PDILT: variants seen among roughly 807,000 people sequenced by gnomAD.
PDILT encodes protein disulfide isomerase like, testis expressed.
A neutral mutation model predicts 53.7 loss-of-function variants in PDILT; 43 were observed. That is an observed-to-expected ratio of 0.80 (90% CI 0.63 to 1.03). The LOEUF (loss-of-function observed/expected upper bound fraction) is 1.03, where lower values mean the gene tolerates loss of function less well. Ranked by LOEUF, PDILT falls within the 50% of genes least tolerant of loss-of-function variation. The pLI is 0.00. For synonymous variants in PDILT, 282 were observed against 274.2 expected (o/e 1.03, Z -0.28); for missense variants, 727 against 712.3 (o/e 1.02, Z -0.24).
At chr16:20,368,595 T>A (rs183455408) in intron 8 of PDILT, among the ~76,000 whole-genome samples, 20 of 114,200 alleles carry the variant, frequency 1.8e-4, no homozygotes, top group South Asian at 5.1e-4. Flanking sequence ...TGTTCCAGAC[T>A]TTTTTTGGGG....
At chr16:20,391,888 AGGAAGGATACTAT>A (rs1966610431) in intron 2 of PDILT, among the ~76,000 whole-genome samples, 1 of 151,770 alleles carries the variant, frequency 6.6e-6, no homozygotes, top group Non-Finnish European at 1.5e-5. Context: ...GAAGGAGTGT[AGGAAGGATACTAT>A]GGAAGCTGCA....
intron 9 of PDILT, among the ~76,000 whole-genome samples, chr16:20,364,158 C>T (rs1966156105): frequency 6.6e-6 from 1 of 152,228 alleles, no homozygotes. Context: ...GGCCCTACTT[C>T]CAAGAAAATG....
chr16:20,398,632 A>G (rs1966691782), intron 2 of PDILT, among the ~76,000 whole-genome samples: 1 of 152,192 alleles, frequency 6.6e-6, no homozygotes, highest in Admixed American at 6.5e-5. Context: ...CCCTGTCTCA[A>G]AACAAACAAA....
chr16:20,383,224 C>T (rs978812416), intron 3 of PDILT, among the ~76,000 whole-genome samples: 2 of 152,188 alleles, frequency 1.3e-5, no homozygotes, highest in African/African-American at 4.8e-5. Flanking sequence ...CAGTTCTCTC[C>T]TGCCCTTCAG....
At chr16:20,380,160 C>T (rs1392227677) in intron 3 of PDILT, among the ~76,000 whole-genome samples, 3 of 152,160 alleles carry the variant, frequency 2.0e-5, no homozygotes, top group Non-Finnish European at 4.4e-5. Flanking sequence ...TTACAGTTAT[C>T]TTCCAGAACA....
chr16:20,385,968 A>T (rs1262702474), intron 2 of PDILT: 3 of 152,006 alleles, frequency 2.0e-5, no homozygotes, highest in Non-Finnish European at 2.9e-5. Flanking sequence ...GGCCAAATTG[A>T]GCCCCTGCAG....
At chr16:20,374,640 C>T (rs1205632321) in intron 5 of PDILT, among the ~76,000 whole-genome samples, 182 bp downstream of exon 5, 5 of 152,070 alleles carry the variant, frequency 3.3e-5, no homozygotes, top group African/African-American at 1.2e-4. Context: ...AGAGAAGGAG[C>T]TTAAGATGGT....
In PDILT at chr16:20,389,234, A is replaced by C. The variant is rs138940555; in HGVS notation, c.203-4383T>G. On this transcript the variant is annotated intron_variant, in intron 2 of 11. Transcript: ENST00000302451. ...GAATTCCTTAGGCTATCTCATCAAA[A>C]AGAGGCAGTTATGGTGGTTTACTTT... Among the ~76,000 whole-genome samples, 203 of 152,060 alleles carry C rather than the reference A, an allele frequency of 1.3e-3. 2 individuals are homozygous for C. The highest frequency in any genetic ancestry group is 0.013 in the East Asian group (65 of 5,172).
At position 20,369,620 on chromosome 16, in the gene PDILT, C is replaced by A; in HGVS notation, c.988G>T (p.Glu330Ter). 3 of 1,614,216 alleles carry A rather than the reference C, an allele frequency of 1.9e-6. No homozygotes were observed. Among genetic ancestry groups the A allele is most frequent in the Non-Finnish European group, 2.5e-6 (3 of 1,180,044 alleles). ...GRVFKYFRVTEVDIPSVQILN... is the reference protein window; with the variant it reads ...GRVFKYFRVT Reference sequence around the variant, plus strand: ...ATTTGGACGGATGGGATATCGACCTCTGTGACCCGGAAGTACTTGAAGACA... The same window carrying A: ...ATTTGGACGGATGGGATATCGACCTATGTGACCCGGAAGTACTTGAAGACA... The change falls in exon 8 of 12, where the codon GAG becomes TAG. Residue 330 changes from glutamate to a stop codon, truncating the protein, a stop_gained. Transcript: ENST00000302451. LOFTEE classifies it high-confidence loss of function.
At chr16:20,361,472 C>T (rs187620954) in intron 10 of PDILT, among the ~76,000 whole-genome samples, 2 of 152,206 alleles carry the variant, frequency 1.3e-5, no homozygotes, top group African/African-American at 2.4e-5. Context: ...CGTTGAGACA[C>T]CACGCCCGAC....
At chr16:20,362,947 C>T (rs1966127625) in intron 9 of PDILT, among the ~76,000 whole-genome samples, 1 of 151,146 alleles carries the variant, frequency 6.6e-6, no homozygotes, top group African/African-American at 2.4e-5. Flanking sequence ...TGGCGTGCAC[C>T]TGTAATCCCA....
chr16:20,376,112 C>T lies in PDILT; in HGVS notation c.499G>A (p.Glu167Lys). The part of the protein sequence containing the change: ...FLFNSSEQVA[E>K]FVISRPLVIV... ...ACCAAGGGCCTGGATATCACAAACT[C>T]TGCCACCTGCTCGCTGCTGTTGAAC... is the stretch of plus-strand genomic sequence containing the variant. Residue 167 changes from glutamate (E) to lysine (K), a missense_variant, in exon 4 of 12, where the codon GAG (glutamate) becomes AAG (lysine). Physicochemically the swap from Glu to Lys is moderately conservative, Grantham distance 56. Coordinates refer to ENST00000302451, the MANE Select transcript of PDILT (RefSeq NM_174924.2). 1 of 1,614,202 alleles carries T rather than the reference C, an allele frequency of 6.2e-7. No homozygotes were observed. Among genetic ancestry groups the T allele is most frequent in the South Asian group, 1.1e-5 (1 of 91,080 alleles).
At chr16:20,380,633 G>A (rs978171463) in intron 3 of PDILT, among the ~76,000 whole-genome samples, 1 of 152,248 alleles carries the variant, frequency 6.6e-6, no homozygotes, top group African/African-American at 2.4e-5. Context: ...ACCGTGCCCA[G>A]CCGAGCTACC....
chr16:20,402,587 C>A (rs6497478), intron 1 of PDILT, among the ~76,000 whole-genome samples: 150,864 of 152,366 alleles, frequency 0.99, 74,739 homozygotes, highest in Middle Eastern at 1. Flanking sequence ...GCATGAGCCA[C>A]TGTGCCTGGC....
At chr16:20,367,762 A>T (rs1184019229) in intron 8 of PDILT, among the ~76,000 whole-genome samples, 1 of 152,190 alleles carries the variant, frequency 6.6e-6, no homozygotes, top group Non-Finnish European at 1.5e-5. Flanking sequence ...CTGAGATTTA[A>T]AAATGAACAC....
intron 2 of PDILT, among the ~76,000 whole-genome samples, chr16:20,393,193 G>A (rs1247419473): frequency 6.6e-6 from 1 of 152,208 alleles, no homozygotes; most frequent in Non-Finnish European, 1.5e-5. Context: ...AGATGCACAA[G>A]TGCTGGCCTG....
rs761308279 is a variant in PDILT, at chr16:20,362,427, G to A, written c.1393C>T (p.Leu465=). ...MYLDRYPFFR[L]FPSGSQQAVL... ...ACTTGTTGAGAGCCGCTGGGGAACAGCCTGAAGAATGGGTACCGGTCCAGG... is the reference window on the plus strand; with the variant it reads ...ACTTGTTGAGAGCCGCTGGGGAACAACCTGAAGAATGGGTACCGGTCCAGG... Residue 465 remains leucine, a synonymous_variant, in exon 10 of 12, where the codon CTG becomes TTG. Coordinates refer to ENST00000302451, the MANE Select transcript of PDILT (RefSeq NM_174924.2). The A allele has an allele frequency of 8.7e-6, 14 of 1,614,224 alleles. No individual in the cohort carries two copies. The South Asian group carries it at 1.5e-4, about 18-fold the overall frequency.
intron 3 of PDILT, among the ~76,000 whole-genome samples, chr16:20,382,779 G>C (rs886476458): frequency 3.9e-5 from 6 of 152,180 alleles, no homozygotes; most frequent in Non-Finnish European, 8.8e-5. Context: ...TGGAAAAACT[G>C]AGATTCGACG....
In PDILT at chr16:20,394,448, C is replaced by T. The variant is rs2141619477; in HGVS notation, c.202+4651G>A. ...TCCCCAGGCCTGGTTTCTTTTTCCT[C>T]TTGGTGTATACAGCCATACTACATT... On this transcript the variant is annotated intron_variant, in intron 2 of 11. Transcript: ENST00000302451. 1.3e-5 allele frequency among the ~76,000 whole-genome samples: 2 copies of T among 152,284 alleles called. 1 individual carries two copies. Among genetic ancestry groups the T allele is most frequent in the African/African-American group, 4.8e-5 (2 of 41,556 alleles).
Sources: allele counts gnomAD v4.1 joint callset (sites outside exome capture counted in the v4.1 genomes callset), GRCh38; gene constraint gnomAD v4.1.1; transcripts MANE v1.5; gene names NCBI Gene and HGNC (gene_info 2026-07-23, HGNC 2026-07-21).